GARRE1: variants seen among roughly 807,000 people sequenced by gnomAD.
GARRE1 encodes granule associated Rac and RHOG effector protein 1.
In GARRE1, 49 loss-of-function variants were observed where a neutral mutation model predicts 103.2. That is an observed-to-expected ratio of 0.47 (90% confidence interval 0.38 to 0.60). GARRE1 has a LOEUF of 0.60. Among genes scored for constraint, GARRE1 ranks in the 20% least tolerant of loss-of-function variants. GARRE1 has a pLI of 0.00. For missense variants in GARRE1, 1,199 were observed against 1,370.5 expected (o/e 0.87, Z 1.98); for synonymous variants, 505 against 532.8 (o/e 0.95, Z 0.72).
rs757281425 is a variant in GARRE1, at chr19:34,300,872, G to A, written c.399G>A (p.Ser133=). 39 of 1,612,946 alleles carry A rather than the reference G, an allele frequency of 2.4e-5. No homozygotes were observed. Among genetic ancestry groups the A allele is most frequent in the East Asian group, 8.9e-5 (4 of 44,898 alleles). The change falls in exon 2 of 14, where the codon TCG becomes TCA. Residue 133 remains serine (S), a synonymous_variant. Transcript: ENST00000299505. ...HVMEAASRLT[S]AIKPEIAKML... is the part of the protein sequence containing the mutation. ...TGGAAGCAGCCAGTCGGCTGACCTCGGCCATAAAGCCTGAGATCGCCAAGA... is the reference window on the plus strand; with the variant it reads ...TGGAAGCAGCCAGTCGGCTGACCTCAGCCATAAAGCCTGAGATCGCCAAGA...
chr19:34,269,199 G>T (rs1198763784), intron 1 of GARRE1, among the ~76,000 whole-genome samples: 1 of 152,182 alleles, frequency 6.6e-6, no homozygotes, highest in Non-Finnish European at 1.5e-5. Context: ...GTTTGTGGTG[G>T]TAAATTGTTA....
At chr19:34,325,563 C>T (rs540413903) in intron 3 of GARRE1, among the ~76,000 whole-genome samples, 2 of 152,226 alleles carry the variant, frequency 1.3e-5, no homozygotes, top group African/African-American at 4.8e-5. Flanking sequence ...AAAATCTTAT[C>T]CCAGATCTGT....
rs2074252332 is a variant in GARRE1, at chr19:34,353,514, T to A, written c.*559T>A. The A allele has an allele frequency of 6.5e-6, 1 of 153,264 alleles. No homozygotes were observed. Among genetic ancestry groups the A allele is most frequent in the Non-Finnish European group, 1.5e-5 (1 of 68,632 alleles). The allele number at this position is 153,264 out of a possible 1,614,324, so 9.5% of individuals were successfully genotyped here. ...ACAGATATACTGGCTGGAGGTTTGTTTAACACTATCTATATTTAAGCTTAT... is the reference window on the plus strand; with the variant it reads ...ACAGATATACTGGCTGGAGGTTTGTATAACACTATCTATATTTAAGCTTAT... On this transcript the variant is annotated 3_prime_UTR_variant, in exon 14 of 14. Coordinates refer to ENST00000299505, the MANE Select transcript of GARRE1 (RefSeq NM_014686.5).
intron 1 of GARRE1, among the ~76,000 whole-genome samples, chr19:34,294,380 A>G (rs751770137): frequency 3.9e-5 from 6 of 151,932 alleles, no homozygotes; most frequent in Non-Finnish European, 8.8e-5. Context: ...CCATGATTGT[A>G]TGACTATACT....
chr19:34,300,311 C>A lies in GARRE1; in HGVS notation c.-163C>A. On this transcript the variant is annotated 5_prime_UTR_variant, in exon 2 of 14. Transcript: ENST00000299505. ...TATTAATTATATAAACCTGTTGTCT[C>A]TCACCTCTACATTGGATCACATGGT... 1.5e-6 allele frequency: 1 copy of A among 649,284 alleles called. No individual in the cohort carries two copies. The highest frequency in any genetic ancestry group is 2.5e-6 in the Non-Finnish European group (1 of 397,194). 40.2% of individuals were successfully genotyped at this position (649,284 alleles called of 1,614,324 possible).
chr19:34,263,827 A>G (rs755837459), intron 1 of GARRE1, among the ~76,000 whole-genome samples: 6 of 152,136 alleles, frequency 3.9e-5, no homozygotes, highest in Non-Finnish European at 8.8e-5. Context: ...ATAAATGTCT[A>G]TGATGGACAT....
At chr19:34,268,265 A>G (rs1456639689) in intron 1 of GARRE1, among the ~76,000 whole-genome samples, 2 of 152,154 alleles carry the variant, frequency 1.3e-5, no homozygotes, top group Non-Finnish European at 2.9e-5. Context: ...TTACCTGAAC[A>G]AACTTTTTCG....
intron 1 of GARRE1, among the ~76,000 whole-genome samples, chr19:34,280,889 G>A (rs1484823759): frequency 2.0e-5 from 3 of 150,376 alleles, no homozygotes; most frequent in African/African-American, 7.3e-5. Flanking sequence ...GTGGGAAATG[G>A]TATTAAGGGC....
In GARRE1 at chr19:34,341,649, G is replaced by A. The variant is rs189296760; in HGVS notation, c.1715G>A (p.Gly572Glu). The change falls in exon 10 of 14, where the codon GGA (glycine) becomes GAA (glutamate). Residue 572 changes from glycine to glutamate, a missense_variant. Transcript: ENST00000299505. ...NTPSKNIFIA[G>E]CSEEKAKMPG... ...CCTTCCAAAAACATCTTCATAGCTG[G>A]ATGTTCCGAAGAGAAGGCCAAAATG... The A allele has an allele frequency of 6.2e-7, 1 of 1,614,120 alleles. No homozygotes were observed. The highest frequency in any genetic ancestry group is 8.5e-7 in the Non-Finnish European group (1 of 1,180,010).
chr19:34,349,130 CGTT>C lies in GARRE1; in HGVS notation c.2804_2806del (p.Val935del). 6.2e-7 allele frequency: 1 copy of C among 1,612,600 alleles called. No individual in the cohort carries two copies. The highest frequency in any genetic ancestry group is 1.1e-5 in the South Asian group (1 of 91,074). The stretch of plus-strand genomic sequence containing the variant: ...TCTCCATGTTTTCAGGGCCTGACCT[CGTT>C]GCTGCTGTCAAGCAGAGAAGGTATG... On this transcript the variant is annotated inframe_deletion, in exon 12 of 14. Coordinates refer to ENST00000299505, the MANE Select transcript of GARRE1 (RefSeq NM_014686.5).
chr19:34,326,824 CAAGT>C (rs1188886171), intron 3 of GARRE1, among the ~76,000 whole-genome samples: 2 of 151,382 alleles, frequency 1.3e-5, no homozygotes, highest in Non-Finnish European at 2.9e-5. Context: ...TAACAAATAA[CAAGT>C]AGGTAAGTCT....
chr19:34,300,359 T>C lies in GARRE1; in HGVS notation c.-115T>C. On this transcript the variant is annotated 5_prime_UTR_variant, in exon 2 of 14. Transcript: ENST00000299505. ...GGTCACCTGCCTCATGGAAATGCCT[T>C]TTTTAAAACTTCGATTTGCAGAACT... 7.6e-7 allele frequency: 1 copy of C among 1,313,876 alleles called. No homozygotes were observed. Among genetic ancestry groups the C allele is most frequent in the Non-Finnish European group, 1.0e-6 (1 of 970,170 alleles). The allele number at this position is 1,313,876 out of a possible 1,614,324, so 81.4% of individuals were successfully genotyped here.
intron 10 of GARRE1, among the ~76,000 whole-genome samples, chr19:34,342,912 C>T (rs907416195): frequency 5.9e-5 from 9 of 151,966 alleles, no homozygotes; most frequent in African/African-American, 2.2e-4. Flanking sequence ...AATACAGCTT[C>T]TCCTGGGCTA....
chr19:34,290,570 T>A lies in GARRE1; in HGVS notation c.-795-9109T>A, dbSNP rs569185085. Among the ~76,000 whole-genome samples the A allele has an allele frequency of 2.6e-5, 4 of 152,112 alleles. No homozygotes were observed. The South Asian group carries it at 8.3e-4, about 32-fold the overall frequency. On this transcript the variant is annotated intron_variant, in intron 1 of 13. Coordinates refer to ENST00000299505, the MANE Select transcript of GARRE1 (RefSeq NM_014686.5). The stretch of plus-strand genomic sequence containing the variant: ...TGGAGTACAAGGGCACAATTACAGA[T>A]CACTGTAACCTCAAACTCCTGGGTT...
Position 34,328,168 on chromosome 19 carries a change from T to C in GARRE1, c.1104+17T>C, listed in dbSNP as rs983760831. On this transcript the variant is annotated intron_variant, in intron 6 of 13. Coordinates refer to ENST00000299505, the MANE Select transcript of GARRE1 (RefSeq NM_014686.5). ...CTTAAGACGGTAGCTTTCCATGGGG[T>C]TCCAGCAAATGAGTGTGAACTTGAA... 1.9e-6 allele frequency: 3 copies of C among 1,611,252 alleles called. No individual in the cohort carries two copies. In the Admixed American group the frequency reaches 5.0e-5, roughly 27 times the overall value.
At chr19:34,321,589 G>A (rs1200536314) in intron 3 of GARRE1, among the ~76,000 whole-genome samples, 1 of 152,016 alleles carries the variant, frequency 6.6e-6, no homozygotes, top group Non-Finnish European at 1.5e-5. Flanking sequence ...AAGTAGCTGG[G>A]ATTACAGGCG....
At position 34,333,780 on chromosome 19, in the gene GARRE1, T is replaced by C. The variant is rs2074148448; in HGVS notation, c.1340T>C (p.Val447Ala). The C allele has an allele frequency of 2.5e-6, 4 of 1,607,852 alleles. No individual in the cohort carries two copies. Among genetic ancestry groups the C allele is most frequent in the Admixed American group, 1.7e-5 (1 of 59,894 alleles). Residue 447 changes from valine to alanine, a missense_variant, in exon 8 of 14, where the codon GTG (valine) becomes GCG (alanine). Physicochemically the swap from Val to Ala is moderately conservative, Grantham distance 64. Coordinates refer to ENST00000299505, the MANE Select transcript of GARRE1 (RefSeq NM_014686.5). The stretch of plus-strand genomic sequence containing the variant: ...ATCAGTTTAGAAGGCTCTAGAATCG[T>C]GGTTCAAGTCCCATCCACATGGTAA... ...PQISLEGSRIVVQVPSTWCLK... is the reference protein window; with the variant it reads ...PQISLEGSRIAVQVPSTWCLK...
chr19:34,348,825 G>A (rs2074224391), intron 11 of GARRE1, 191 bp from the exon 12 acceptor site: 2 of 627,400 alleles, frequency 3.2e-6, no homozygotes, highest in African/African-American at 1.8e-5. Context: ...GAGGAATAAA[G>A]GGAATTGATG....
intron 2 of GARRE1, among the ~76,000 whole-genome samples, chr19:34,308,971 A>G (rs980134518): frequency 6.6e-6 from 1 of 152,124 alleles, no homozygotes; most frequent in African/African-American, 2.4e-5. Flanking sequence ...CTCATTGATC[A>G]GCCTTAGTGT....
Sources: allele counts gnomAD v4.1 joint callset (sites outside exome capture counted in the v4.1 genomes callset), GRCh38; gene constraint gnomAD v4.1.1; transcripts MANE v1.5; gene names NCBI Gene and HGNC (gene_info 2026-07-23, HGNC 2026-07-21).